CLEC16A: variants seen among roughly 807,000 people sequenced by gnomAD.
The protein encoded by CLEC16A is protein CLEC16A.
CLEC16A carries 51 observed loss-of-function variants against 109.5 expected under a neutral mutation model. The ratio of observed to expected loss-of-function variants is 0.47; its 90% CI spans 0.37 to 0.59. The LOEUF is 0.59. Ranked by LOEUF, CLEC16A falls within the 20% of genes least tolerant of loss-of-function variation. The pLI is 0.00. For synonymous variants in CLEC16A, 673 were observed against 564.2 expected (o/e 1.19, Z -2.73); for missense variants, 1,339 against 1,394.0 (o/e 0.96, Z 0.63).
intron 1 of CLEC16A, among the ~76,000 whole-genome samples, chr16:10,947,010 A>T (rs2041419634): frequency 6.6e-6 from 1 of 152,258 alleles, no homozygotes; most frequent in Admixed American, 6.5e-5. Flanking sequence ...CCAATGGGGC[A>T]TCTTTGCCAG....
chr16:10,998,656 C>G (rs2044475114), intron 10 of CLEC16A, among the ~76,000 whole-genome samples: 1 of 152,050 alleles, frequency 6.6e-6, no homozygotes, highest in Admixed American at 6.6e-5. Flanking sequence ...TCTTTCCCTC[C>G]CTTCTCCTTC....
At chr16:10,977,819 A>G (rs1218508223) in intron 8 of CLEC16A, among the ~76,000 whole-genome samples, 1 of 152,192 alleles carries the variant, frequency 6.6e-6, no homozygotes. Flanking sequence ...TTTGAGCCCA[A>G]GGGAGATTCC....
intron 22 of CLEC16A, among the ~76,000 whole-genome samples, chr16:11,166,180 C>G (rs1375904729): frequency 6.6e-6 from 1 of 152,234 alleles, no homozygotes; most frequent in African/African-American, 2.4e-5. Flanking sequence ...TACTCTGTTC[C>G]TTGAAATAAA....
chr16:11,064,995 G>A (rs570300256), intron 19 of CLEC16A, among the ~76,000 whole-genome samples: 4 of 152,328 alleles, frequency 2.6e-5, no homozygotes, highest in African/African-American at 7.2e-5. Context: ...AACACTCTGA[G>A]AACAGTGTCC....
At chr16:11,160,258 C>G (rs1039148028) in intron 22 of CLEC16A, among the ~76,000 whole-genome samples, 6 of 152,156 alleles carry the variant, frequency 3.9e-5, no homozygotes, top group African/African-American at 1.2e-4. Flanking sequence ...ATTCAGAAAA[C>G]TTTTGGTGCA....
Position 11,178,629 on chromosome 16 carries a change from G to A in CLEC16A, c.3101G>A (p.Cys1034Tyr), listed in dbSNP as rs753830926. The A allele has an allele frequency of 5.0e-6, 8 of 1,594,730 alleles. No homozygotes were observed. The East Asian group carries it at 9.0e-5, about 18-fold the overall frequency. ...MPPLSTPAAA[C>Y]TEPVGEEAAC... is the part of the protein sequence containing the mutation. ...CCGCTGTCCACGCCGGCTGCCGCCT[G>A]CACAGAGCCCGTGGGCGAAGAGGCT... Residue 1034 changes from cysteine to tyrosine, a missense_variant, in exon 24 of 24, where the codon TGC becomes TAC. Cys to Tyr is a radical substitution (Grantham distance 194). Transcript: ENST00000409790. This position sits in a 1 kb window ranked among gnomAD's most constrained non-coding sequence, Gnocchi z 6.5.
chr16:11,162,436 C>G (rs541130577), intron 22 of CLEC16A, among the ~76,000 whole-genome samples: 1 of 152,026 alleles, frequency 6.6e-6, no homozygotes, highest in Non-Finnish European at 1.5e-5. Context: ...CCTTTTTTTT[C>G]TCTTTTTGGT....
chr16:11,088,956 G>C (rs986397461), intron 19 of CLEC16A, among the ~76,000 whole-genome samples: 5 of 152,204 alleles, frequency 3.3e-5, no homozygotes, highest in Admixed American at 3.3e-4. Flanking sequence ...AAAAGTGAAA[G>C]TGCCCTGCCA....
chr16:11,171,393 C>G (rs1441622303), intron 23 of CLEC16A, among the ~76,000 whole-genome samples: 1 of 152,216 alleles, frequency 6.6e-6, no homozygotes, highest in Non-Finnish European at 1.5e-5. Context: ...ACCGAACTCC[C>G]TGATGACCCG....
chr16:10,971,294 G>C (rs1311056158), intron 5 of CLEC16A, 64 bp downstream of exon 5: 45 of 1,145,560 alleles, frequency 3.9e-5, no homozygotes, highest in Non-Finnish European at 5.5e-5. Flanking sequence ...ACTCACTCCC[G>C]TGTGTGTGCG....
At chr16:11,023,554 T>G (rs574061859) in intron 12 of CLEC16A, among the ~76,000 whole-genome samples, 1 of 152,324 alleles carries the variant, frequency 6.6e-6, no homozygotes, top group South Asian at 2.1e-4. Context: ...ATTTTTTTTT[T>G]TTAGTTTTTG....
intron 22 of CLEC16A, 200 bp downstream of exon 22, chr16:11,126,346 T>C: frequency 6.8e-7 from 1 of 1,465,912 alleles, no homozygotes; most frequent in Non-Finnish European, 9.0e-7. Flanking sequence ...TTCCCTTTAG[T>C]GTTTGGTTTG....
intron 19 of CLEC16A, among the ~76,000 whole-genome samples, chr16:11,115,047 G>T (rs78631946): frequency 1.3e-5 from 2 of 152,066 alleles, no homozygotes; most frequent in East Asian, 3.9e-4. Context: ...TTTGTTCTTT[G>T]TGGTGGAGGT....
intron 11 of CLEC16A, among the ~76,000 whole-genome samples, chr16:11,016,319 G>A (rs1449645955): frequency 1.3e-5 from 2 of 151,152 alleles, no homozygotes; most frequent in East Asian, 3.9e-4. Context: ...ACAGCAGTCT[G>A]CACCACGTTC....
intron 22 of CLEC16A, among the ~76,000 whole-genome samples, chr16:11,127,834 C>T (rs1187358383): frequency 3.3e-5 from 5 of 152,022 alleles, no homozygotes; most frequent in Non-Finnish European, 7.4e-5. Flanking sequence ...TGTACCATTG[C>T]CCTCCAGCCT....
chr16:11,149,521 G>A (rs1397594293), intron 22 of CLEC16A, among the ~76,000 whole-genome samples: 2 of 152,076 alleles, frequency 1.3e-5, no homozygotes, highest in African/African-American at 4.8e-5. Context: ...GCTGGGCACA[G>A]TGGCTCATGC....
intron 14 of CLEC16A, chr16:11,040,182 G>A: frequency 2.9e-6 from 1 of 344,950 alleles, no homozygotes; most frequent in Non-Finnish European, 5.3e-6. Context: ...CGCTATGTCT[G>A]GGTGGCCCAA....
intron 13 of CLEC16A, chr16:11,027,371 T>C: frequency 7.9e-6 from 11 of 1,389,722 alleles, no homozygotes; most frequent in Non-Finnish European, 1.0e-5. Context: ...AGAAAATTTT[T>C]AGTGGTGTCT....
At chr16:11,115,404 C>G (rs1377151653) in intron 19 of CLEC16A, among the ~76,000 whole-genome samples, 5 of 152,224 alleles carry the variant, frequency 3.3e-5, no homozygotes, top group Non-Finnish European at 7.3e-5. Context: ...GGGCTCATCA[C>G]TCTGTCACCC....
Sources: allele counts gnomAD v4.1 joint callset (sites outside exome capture counted in the v4.1 genomes callset), GRCh38; gene constraint gnomAD v4.1.1; non-coding constraint Gnocchi (gnomAD v3.1); transcripts MANE v1.5; gene names NCBI Gene and HGNC (gene_info 2026-07-23, HGNC 2026-07-21).